GLI3: variants seen among roughly 807,000 people sequenced by gnomAD.
GLI3 encodes the protein GLI family zinc finger 3.
Under a neutral mutation model 100.8 loss-of-function variants are expected in GLI3, and 20 were observed. That is an observed-to-expected ratio of 0.20 (90% CI 0.14 to 0.29). The LOEUF is 0.29. Among genes scored for constraint, GLI3 ranks in the 10% least tolerant of loss-of-function variants. GLI3 has a pLI of 1.00. For synonymous variants in GLI3, 938 were observed against 860.5 expected (o/e 1.09, Z -1.58); for missense variants, 2,040 against 2,128.5 (o/e 0.96, Z 0.82).
chr7:42,024,725 T>G (rs992177143), intron 9 of GLI3, among the ~76,000 whole-genome samples: 1 of 152,216 alleles, frequency 6.6e-6, no homozygotes, highest in Non-Finnish European at 1.5e-5. Flanking sequence ...CACTCTTCCT[T>G]TCAGAATTTT....
At chr7:42,036,312 T>A (rs1386682417) in intron 7 of GLI3, among the ~76,000 whole-genome samples, 1 of 152,214 alleles carries the variant, frequency 6.6e-6, no homozygotes, top group Non-Finnish European at 1.5e-5. Context: ...AGAAACTTAC[T>A]TTAATAAGGG....
intron 3 of GLI3, among the ~76,000 whole-genome samples, chr7:42,114,246 A>G (rs117934206): frequency 0.026 from 4,017 of 152,284 alleles, 63 homozygotes; most frequent in Non-Finnish European, 0.042. Flanking sequence ...CTCACTCTAA[A>G]CTTACCCTGT....
At chr7:42,117,293 T>C in intron 3 of GLI3, among the ~76,000 whole-genome samples, 1 of 152,220 alleles carries the variant, frequency 6.6e-6, no homozygotes, top group East Asian at 1.9e-4. Flanking sequence ...CCTGGATGCC[T>C]CTTTGAGCAA....
intron 3 of GLI3, among the ~76,000 whole-genome samples, chr7:42,107,898 C>T (rs766481967): frequency 2.0e-5 from 3 of 152,132 alleles, no homozygotes; most frequent in Non-Finnish European, 4.4e-5. Context: ...CGGTGGCGTG[C>T]TGGATTTTTT....
chr7:42,179,682 A>ATG (rs1787552092), intron 2 of GLI3, among the ~76,000 whole-genome samples: 1 of 152,026 alleles, frequency 6.6e-6, no homozygotes, highest in Non-Finnish European at 1.5e-5. Flanking sequence ...TAGACTTGGG[A>ATG]TGTGTGTGTG....
chr7:41,977,505 G>A lies in GLI3; in HGVS notation c.1812+53C>T, dbSNP rs577011756. The A allele has an allele frequency of 4.4e-4, 690 of 1,578,242 alleles. 1 individual carries two copies. The highest frequency in any genetic ancestry group is 5.7e-4 in the Non-Finnish European group (660 of 1,149,562). The stretch of plus-strand genomic sequence containing the variant: ...CTGCGCCTTCCCATGTGCCTTCCCC[G>A]GGATAGTTCTTTGTTTCCTTATGCA... On this transcript the variant is annotated intron_variant, in intron 12 of 14. Coordinates refer to ENST00000395925, the MANE Select transcript of GLI3 (RefSeq NM_000168.6).
intron 4 of GLI3, among the ~76,000 whole-genome samples, chr7:42,073,062 T>C (rs192719256): frequency 2.0e-5 from 3 of 152,336 alleles, no homozygotes; most frequent in Admixed American, 2.0e-4. Context: ...AATGCAGGAA[T>C]TGTACATTTT....
At position 42,076,755 on chromosome 7, in the gene GLI3, T is replaced by G. The variant is rs1032432055; in HGVS notation, c.470A>C (p.His157Pro). The G allele has an allele frequency of 6.4e-7, 1 of 1,559,672 alleles. No homozygotes were observed. Among genetic ancestry groups the G allele is most frequent in the Non-Finnish European group, 8.8e-7 (1 of 1,130,124 alleles). The change falls in exon 4 of 15, where the codon CAT becomes CCT. Residue 157 changes from histidine to proline, a missense_variant. His to Pro is a moderately conservative substitution (Grantham distance 77, BLOSUM62 -2). This residue lies in a region of GLI3 where 603 missense variants were observed against 690.9 expected (regional missense o/e 0.87). Transcript: ENST00000395925. ...TGAAGAAAGTGTTAATACTTACATA[T>G]GCAATGGAGGAATCGGAGATGGATC... is the stretch of plus-strand genomic sequence containing the variant. ...HYDPSPIPPL[H>P]MTSALSSSPT...
chr7:42,261,915 T>TTCCCTCCCTTCCG (rs1789144602), intron 1 of GLI3, among the ~76,000 whole-genome samples: 1 of 145,286 alleles, frequency 6.9e-6, no homozygotes, highest in African/African-American at 2.5e-5. Context: ...CCTCCCTTCC[T>TTCCCTCCCTTCCG]TCCTTCTTCC....
At chr7:42,229,911 T>G (rs549928815) in intron 1 of GLI3, among the ~76,000 whole-genome samples, 1 of 152,198 alleles carries the variant, frequency 6.6e-6, no homozygotes, top group Non-Finnish European at 1.5e-5. Flanking sequence ...CATGTATTCA[T>G]GCACCACAGA....
chr7:42,055,957 T>C (rs1217420041), intron 4 of GLI3, among the ~76,000 whole-genome samples: 6 of 152,274 alleles, frequency 3.9e-5, no homozygotes, highest in African/African-American at 1.4e-4. Context: ...GGTTGAATCA[T>C]GGAGGCGGGT....
chr7:42,192,456 G>A (rs546116674), intron 2 of GLI3, among the ~76,000 whole-genome samples: 2 of 152,142 alleles, frequency 1.3e-5, no homozygotes, highest in African/African-American at 4.8e-5. Flanking sequence ...ACAAGGTATA[G>A]ATAAAGACAA....
At chr7:42,089,453 G>C (rs776091149) in intron 3 of GLI3, among the ~76,000 whole-genome samples, 3 of 152,178 alleles carry the variant, frequency 2.0e-5, no homozygotes, top group Non-Finnish European at 4.4e-5. Context: ...GCAACCTACT[G>C]GTCATCTTGA....
chr7:42,106,338 G>A (rs1785574701), intron 3 of GLI3, among the ~76,000 whole-genome samples: 1 of 152,158 alleles, frequency 6.6e-6, no homozygotes, highest in African/African-American at 2.4e-5. Flanking sequence ...AAGGCCTCAG[G>A]GTCCAATGCC....
intron 2 of GLI3, among the ~76,000 whole-genome samples, chr7:42,190,867 A>G (rs1281960590): frequency 3.3e-5 from 5 of 152,206 alleles, no homozygotes; most frequent in Admixed American, 3.3e-4. Flanking sequence ...TAGAAATATT[A>G]TGAAAAAACA....
rs375942559 is a variant in GLI3 at position 41,965,772 on chromosome 7, T to G, written c.3301A>C (p.Asn1101His). The change falls in exon 15 of 15, where the codon AAT becomes CAT. Residue 1101 changes from asparagine to histidine, a missense_variant. Transcript: ENST00000395925. Reference sequence around the variant, plus strand: ...TCGTACCCTGCTTGGTTCTGGGAATTTAAATACTGCACCACGTCGTCCGGC... The same window carrying G: ...TCGTACCCTGCTTGGTTCTGGGAATGTAAATACTGCACCACGTCGTCCGGC... The part of the protein sequence containing the change: ...FLPDDVVQYL[N>H]SQNQAGYEQH... 1.2e-6 allele frequency: 2 copies of G among 1,613,200 alleles called. No homozygotes were observed. Among genetic ancestry groups the G allele is most frequent in the Non-Finnish European group, 1.7e-6 (2 of 1,179,928 alleles).
At chr7:42,012,816 C>T (rs1201941324) in intron 10 of GLI3, among the ~76,000 whole-genome samples, 2 of 152,178 alleles carry the variant, frequency 1.3e-5, no homozygotes, top group East Asian at 3.9e-4. Context: ...TCACTTGCAG[C>T]TTGACTGCTT....
intron 3 of GLI3, among the ~76,000 whole-genome samples, chr7:42,142,617 A>T (rs1786596118): frequency 6.6e-6 from 1 of 152,122 alleles, no homozygotes; most frequent in South Asian, 2.1e-4. Flanking sequence ...CATCAGGCAC[A>T]AGAGTAGTCA....
At chr7:42,086,173 T>C (rs1785097721) in intron 3 of GLI3, among the ~76,000 whole-genome samples, 1 of 152,304 alleles carries the variant, frequency 6.6e-6, no homozygotes, top group African/African-American at 2.4e-5. Context: ...GGTCAAGCAA[T>C]GTGCAATGCC....
Sources: allele counts gnomAD v4.1 joint callset (sites outside exome capture counted in the v4.1 genomes callset), GRCh38; gene constraint gnomAD v4.1.1; regional missense constraint gnomAD v4.1.1; transcripts MANE v1.5; gene names NCBI Gene and HGNC (gene_info 2026-07-23, HGNC 2026-07-21).